The following USP9X variants were observed in gnomAD, a reference collection of about 807,000 sequenced individuals.
USP9X encodes the protein ubiquitin specific peptidase 9 X-linked.
In USP9X, 7 loss-of-function variants were observed where a neutral mutation model predicts 190.3. The observed-to-expected ratio is 0.04, with a 90% CI of 0.02 to 0.07. The LOEUF is 0.07. Ranked by LOEUF, USP9X falls within the 10% of genes least tolerant of loss-of-function variation. USP9X has a pLI of 1.00. For missense variants in USP9X, 1,010 were observed against 1,916.9 expected (o/e 0.53, Z 8.83); for synonymous variants, 645 against 659.5 (o/e 0.98, Z 0.34).
At position 41,229,671 on chromosome X, in the gene USP9X, T is replaced by C; in HGVS notation, c.7323T>C (p.Asn2441=). 8.3e-7 allele frequency: 1 copy of C among 1,211,655 alleles called. No individual in the cohort carries two copies. Residue 2441 remains asparagine (N), a synonymous_variant, in exon 43 of 45, where the codon AAT becomes AAC. Coordinates refer to ENST00000378308, the MANE Select transcript of USP9X (RefSeq NM_001039591.3). ...GCAATCCTCAGTACACTTACAACAA[T>C]TGGTCTCCCCCAGTGCAAAGCAATG... ...YTGNPQYTYN[N]WSPPVQSNET...
rs780813191 is a variant in USP9X at position 41,099,370 on chromosome X, T to C, written c.-159+13261T>C. ...GAATTGCTGGTTTATAGGATACATA[T>C]GTGTTTAGCTTTAGTCAATACTGCC... On this transcript the variant is annotated intron_variant, in intron 1 of 44. Coordinates refer to ENST00000378308, the MANE Select transcript of USP9X (RefSeq NM_001039591.3). 8.1e-5 allele frequency among the ~76,000 whole-genome samples: 9 copies of C among 111,076 alleles called. No homozygotes were observed. In the East Asian group the frequency reaches 2.2e-3, roughly 28 times the overall value.
intron 3 of USP9X, among the ~76,000 whole-genome samples, chrX:41,130,520 C>A (rs1469288804): frequency 1.0e-5 from 1 of 100,152 alleles, no homozygotes; most frequent in Non-Finnish European, 2.0e-5. Flanking sequence ...GATGGAGTCT[C>A]GCTCTGTCAC....
chrX:41,099,101 T>TTTTTTTTTTG (rs2062016315), intron 1 of USP9X, among the ~76,000 whole-genome samples: 1 of 47,763 alleles, frequency 2.1e-5, no homozygotes, highest in African/African-American at 7.1e-5. Context: ...TAATTGTTTT[T>TTTTTTTTTTG]TTTTTTTTTT....
intron 27 of USP9X, 27 bp downstream of exon 27, chrX:41,196,386 A>T (rs2062984678): frequency 8.5e-7 from 1 of 1,181,050 alleles, no homozygotes; most frequent in Admixed American, 2.3e-5. Context: ...TATGCTTATC[A>T]ATGTGATTCA....
intron 9 of USP9X, among the ~76,000 whole-genome samples, 171 bp downstream of exon 9, chrX:41,141,602 T>C (rs778164964): frequency 1.8e-5 from 2 of 112,274 alleles, no homozygotes; most frequent in African/African-American, 6.5e-5. Context: ...TGAAATAACA[T>C]AGTTTATTAT....
At chrX:41,230,039 A>G in intron 43 of USP9X, 1 of 378,420 alleles carries the variant, frequency 2.6e-6, no homozygotes, top group Non-Finnish European at 4.3e-6. Context: ...CATCTCCACT[A>G]AAAATAGAAA....
At chrX:41,129,704 A>G (rs1002492590) in intron 3 of USP9X, among the ~76,000 whole-genome samples, 2 of 111,823 alleles carry the variant, frequency 1.8e-5, no homozygotes, top group Admixed American at 1.9e-4. Flanking sequence ...AGATTTCAAG[A>G]GGCTAGGGAA....
chrX:41,088,464 G>A (rs998749431), intron 1 of USP9X, among the ~76,000 whole-genome samples: 1 of 112,532 alleles, frequency 8.9e-6, no homozygotes, highest in Non-Finnish European at 1.9e-5. Flanking sequence ...CACACAACAA[G>A]TGTCTTTGAG....
chrX:41,224,711 G>A (rs1569202796), intron 39 of USP9X, 31 bp from the exon 40 acceptor site: 6 of 1,117,606 alleles, frequency 5.4e-6, no homozygotes, highest in Non-Finnish European at 7.3e-6. Context: ...AAGCTTATTA[G>A]TTTTTTATTG....
intron 21 of USP9X, among the ~76,000 whole-genome samples, chrX:41,178,073 G>T: frequency 1.0e-5 from 1 of 99,175 alleles, no homozygotes; most frequent in African/African-American, 3.7e-5. Flanking sequence ...ATCAAAATCC[G>T]AGGTTTAAAT....
intron 29 of USP9X, among the ~76,000 whole-genome samples, chrX:41,197,777 G>A (rs757685173): frequency 2.7e-5 from 3 of 110,702 alleles, no homozygotes; most frequent in South Asian, 3.8e-4. Flanking sequence ...TTGGGAGGCC[G>A]AGTCCAGTGG....
In USP9X at chrX:41,170,478, A is replaced by C. The variant is rs774167237; in HGVS notation, c.2886A>C (p.Thr962=). The change falls in exon 20 of 45, where the codon ACA becomes ACC. Residue 962 remains threonine, a synonymous_variant. Coordinates refer to ENST00000378308, the MANE Select transcript of USP9X (RefSeq NM_001039591.3). ...QLNLKDKSLI[T]AKLTQISSNM... is the part of the protein sequence containing the mutation. ...TAGTATATAATTTTCAGCTTATTAC[A>C]GCCAAACTTACACAGATAAGTTCCA... The C allele has an allele frequency of 2.5e-6, 3 of 1,209,618 alleles. No homozygotes were observed.
intron 32 of USP9X, 139 bp downstream of exon 32, chrX:41,205,632 G>GTT: frequency 4.1e-6 from 2 of 485,369 alleles, no homozygotes; most frequent in Non-Finnish European, 5.9e-6. Flanking sequence ...TAATTGGGTG[G>GTT]GTTTTTTTTT....
At chrX:41,175,188 C>T (rs781413766) in intron 21 of USP9X, among the ~76,000 whole-genome samples, 1 of 111,216 alleles carries the variant, frequency 9.0e-6, no homozygotes, top group South Asian at 3.7e-4. Flanking sequence ...AATATGTTCC[C>T]ATTATTCTTT....
intron 14 of USP9X, among the ~76,000 whole-genome samples, chrX:41,161,128 G>A (rs2062625766): frequency 9.0e-6 from 1 of 110,654 alleles, no homozygotes; most frequent in South Asian, 3.8e-4. Context: ...TATTTTACTA[G>A]TGTAGTTTTC....
At chrX:41,161,328 C>CTTTTT (rs2062627927) in intron 14 of USP9X, among the ~76,000 whole-genome samples, 1 of 58,152 alleles carries the variant, frequency 1.7e-5, no homozygotes, top group Non-Finnish European at 2.9e-5. Flanking sequence ...AGAATTCTTG[C>CTTTTT]CTTTTTTTTT....
intron 1 of USP9X, among the ~76,000 whole-genome samples, chrX:41,111,003 G>A (rs751665683): frequency 6.3e-5 from 7 of 111,252 alleles, no homozygotes; most frequent in Non-Finnish European, 1.1e-4. Flanking sequence ...GAATGGAGGA[G>A]ATGGGAAGGG....
chrX:41,164,117 C>T (rs747064760), intron 15 of USP9X, among the ~76,000 whole-genome samples: 10 of 111,295 alleles, frequency 9.0e-5, no homozygotes, highest in Admixed American at 8.5e-4. Flanking sequence ...GTGATCTGCC[C>T]GCCTCGGTCC....
At chrX:41,227,306 T>C (rs554322451) in intron 41 of USP9X, among the ~76,000 whole-genome samples, 3 of 111,842 alleles carry the variant, frequency 2.7e-5, no homozygotes, top group African/African-American at 9.7e-5. Context: ...GGAGAAAATA[T>C]GATATGGCAG....
Sources: gnomAD v4.1 joint callset for allele counts (sites outside exome capture counted in the v4.1 genomes callset) on GRCh38, gnomAD v4.1.1 for gene constraint, MANE v1.5 for transcripts, NCBI Gene and HGNC (gene_info 2026-07-23, HGNC 2026-07-21) for gene names.